NBEAL2: variants seen among roughly 807,000 people sequenced by gnomAD.
The protein encoded by NBEAL2 is neurobeachin-like protein 2.
NBEAL2 carries 160 observed loss-of-function variants against 299.8 expected under a neutral mutation model. The ratio of observed to expected loss-of-function variants is 0.53; its 90% confidence interval spans 0.47 to 0.61. The LOEUF (loss-of-function observed/expected upper bound fraction) is 0.61, where lower values mean the gene tolerates loss of function less well. NBEAL2 is among the 20% of genes least tolerant of loss of function. The pLI, the probability that NBEAL2 is intolerant of heterozygous loss-of-function variation, is 0.00. For missense variants in NBEAL2, 3,112 were observed against 3,649.0 expected (o/e 0.85, Z 3.79); for synonymous variants, 1,493 against 1,542.3 (o/e 0.97, Z 0.75).
At chr3:46,992,435 C>T (rs2036169837) in intron 9 of NBEAL2, 40 bp from the exon 10 acceptor site, 1 of 1,553,116 alleles carries the variant, frequency 6.4e-7, no homozygotes, top group Admixed American at 1.8e-5. Context: ...CTCCTCTCTT[C>T]TTTGCCTCCT....
chr3:47,004,367 A>T lies in NBEAL2; in HGVS notation c.6172A>T (p.Met2058Leu). Residue 2058 changes from methionine (M) to leucine (L), a missense_variant, in exon 37 of 54, where the codon ATG becomes TTG. By Grantham distance (15) the Met-to-Leu change is conservative. Transcript: ENST00000450053. The surrounding 1 kb of genome is among the most constrained non-coding windows in gnomAD (Gnocchi z 5.0). ...GYLSSRSPQE[M>L]LRASGLTQKW... ...CCTAAGCAGCCGCTCCCCCCAGGAG[A>T]TGCTGCGTGCCTCAGGCCTTACCCA... The T allele has an allele frequency of 1.3e-6, 2 of 1,597,946 alleles. No homozygotes were observed. The highest frequency in any genetic ancestry group is 1.1e-5 in the South Asian group (1 of 88,668).
chr3:47,005,641 TGGA>T, intron 41 of NBEAL2, 22 bp downstream of exon 41: 1 of 1,613,478 alleles, frequency 6.2e-7, no homozygotes, highest in African/African-American at 1.3e-5. Context: ...GTGCTCACAC[TGGA>T]GCGGGCAGGT....
chr3:47,009,397 A>T lies in NBEAL2; in HGVS notation c.*77A>T, dbSNP rs967344638. ...AGGCCCCGCCCAGAAGTCGGCGGGAACACCCCGGGGTGGGCAGCCCAGGGG... is the reference window on the plus strand; with the variant it reads ...AGGCCCCGCCCAGAAGTCGGCGGGATCACCCCGGGGTGGGCAGCCCAGGGG... On this transcript the variant is annotated 3_prime_UTR_variant, in exon 54 of 54. Transcript: ENST00000450053. The T allele has an allele frequency of 9.2e-6, 13 of 1,414,628 alleles. No homozygotes were observed. Among genetic ancestry groups the T allele is most frequent in the African/African-American group, 1.4e-5 (1 of 69,174 alleles). The allele number at this position is 1,414,628 out of a possible 1,614,324, so 87.6% of individuals were successfully genotyped here. A position where few individuals can be genotyped will look rare whatever the true frequency, so the allele number is the denominator to read the frequency against.
chr3:47,008,368 T>C lies in NBEAL2; in HGVS notation c.7805T>C (p.Ile2602Thr). 1 of 1,613,778 alleles carries C rather than the reference T, an allele frequency of 6.2e-7. No homozygotes were observed. Among genetic ancestry groups the C allele is most frequent in the Non-Finnish European group, 8.5e-7 (1 of 1,179,800 alleles). Residue 2602 changes from isoleucine to threonine, a missense_variant, in exon 51 of 54, where the codon ATT becomes ACT. This residue lies in a region of NBEAL2 where 348 missense variants were observed against 381.4 expected (regional missense o/e 0.91). Transcript: ENST00000450053. The stretch of plus-strand genomic sequence containing the variant: ...CTGGGTGCCACATTCCCTGGACCTA[T>C]TTTCCACCTGGCATTGGGGTCCGAA... Reference protein sequence around the residue: ...RPLGATFPGPIFHLALGSEGQ... With the variant: ...RPLGATFPGPTFHLALGSEGQ...
In NBEAL2 at chr3:47,002,401, G is replaced by C. The variant is rs1341332261; in HGVS notation, c.5182G>C (p.Asp1728His). 6.2e-7 allele frequency: 1 copy of C among 1,613,662 alleles called. No individual in the cohort carries two copies. Residue 1728 changes from aspartate (D) to histidine (H), a missense_variant, in exon 32 of 54, where the codon GAC (aspartate) becomes CAC (histidine). Physicochemically the swap from Asp to His is moderately conservative, Grantham distance 81. Transcript: ENST00000450053. ...VQPTMSQFEMDTYAKSHDLMS... is the reference protein window; with the variant it reads ...VQPTMSQFEMHTYAKSHDLMS... ...GCCAACCATGTCCCAGTTCGAAATG[G>C]ACACGTATGCTAAGAGCCACGACCT...
rs769222600 is a variant in NBEAL2 at position 46,995,398 on chromosome 3, G to T, written c.1663G>T (p.Ala555Ser). The T allele has an allele frequency of 1.9e-6, 3 of 1,612,734 alleles. No homozygotes were observed. Among genetic ancestry groups the T allele is most frequent in the Non-Finnish European group, 8.5e-7 (1 of 1,179,862 alleles). Residue 555 changes from alanine to serine, a missense_variant, in exon 13 of 54, where the codon GCC (alanine) becomes TCC (serine). Physicochemically the swap from Ala to Ser is moderately conservative, Grantham distance 99. Around this residue, in one of 3 missense-constraint regions of NBEAL2, gnomAD observed 2,243 missense variants for 2,538.1 expected, o/e 0.88. Transcript: ENST00000450053. ...SEPGGAEAGK[A>S]RHAGAVIRTL... ...ACCAGGCGGAGCTGAGGCTGGAAAG[G>T]CCCGACACGCAGGTGCTGTCATCCG...
At position 46,988,799 on chromosome 3, in the gene NBEAL2, G is replaced by A. The variant is rs764919031; in HGVS notation, c.140+42G>A. 1 of 1,605,058 alleles carries A rather than the reference G, an allele frequency of 6.2e-7. No individual in the cohort carries two copies. Among genetic ancestry groups the A allele is most frequent in the Non-Finnish European group, 8.5e-7 (1 of 1,172,652 alleles). ...ACTGAGGGCAGGGACAGAGCAGGGA[G>A]ATTGAGGGGTCCTCAGCACCCGTGT... On this transcript the variant is annotated intron_variant, in intron 2 of 53. Transcript: ENST00000450053. The surrounding 1 kb of genome is among the most constrained non-coding windows in gnomAD (Gnocchi z 4.4).
In NBEAL2 at chr3:46,987,365, C is replaced by T. The variant is rs191834326; in HGVS notation, c.52-1304C>T. Among the ~76,000 whole-genome samples, 42 of 152,346 alleles carry T rather than the reference C, an allele frequency of 2.8e-4. No homozygotes were observed. In the East Asian group the frequency reaches 7.9e-3, roughly 29 times the overall value. On this transcript the variant is annotated intron_variant, in intron 1 of 53. Coordinates refer to ENST00000450053, the MANE Select transcript of NBEAL2 (RefSeq NM_015175.3). ...CCTTTTCCACTCTAGCTCCCCCTGT[C>T]CACCTCTCTGACTCTAGGAAAGAAG...
At chr3:47,008,756 T>C (rs1168044769) in intron 52 of NBEAL2, 88 bp downstream of exon 52, 3 of 1,552,016 alleles carry the variant, frequency 1.9e-6, no homozygotes, top group Non-Finnish European at 2.6e-6. Context: ...ACACCATACA[T>C]GTTTGTGGGC....
chr3:46,987,963 C>G, intron 1 of NBEAL2: 1 of 1,269,338 alleles, frequency 7.9e-7, no homozygotes, highest in South Asian at 1.3e-5. Context: ...GCCCCAGCCC[C>G]GGGGCGGGAG....
chr3:46,995,565 T>C lies in NBEAL2; in HGVS notation c.1830T>C (p.Cys610=), dbSNP rs781201244. The change falls in exon 13 of 54, where the codon TGT becomes TGC. Residue 610 remains cysteine (C), a synonymous_variant. Coordinates refer to ENST00000450053, the MANE Select transcript of NBEAL2 (RefSeq NM_015175.3). The part of the protein sequence containing the change: ...GPGFTFHAWL[C]LHPMDTAPTP... Reference sequence around the variant, plus strand: ...GCTTCACCTTTCATGCCTGGCTCTGTCTGCACCCTATGGATACAGCACCTA... The same window carrying C: ...GCTTCACCTTTCATGCCTGGCTCTGCCTGCACCCTATGGATACAGCACCTA... 50 of 1,612,786 alleles carry C rather than the reference T, an allele frequency of 3.1e-5. 1 individual carries two copies. The South Asian group carries it at 5.4e-4, about 17-fold the overall frequency.
In NBEAL2 at chr3:46,979,776, C is replaced by T; in HGVS notation, c.-86C>T. 2.7e-6 allele frequency: 1 copy of T among 364,516 alleles called. No homozygotes were observed. The highest frequency in any genetic ancestry group is 4.1e-5 in the East Asian group (1 of 24,236). 22.6% of individuals were successfully genotyped at this position (364,516 alleles called of 1,614,324 possible). A position where few individuals can be genotyped will look rare whatever the true frequency, so the allele number is the denominator to read the frequency against. On this transcript the variant is annotated 5_prime_UTR_variant, in exon 1 of 54. Coordinates refer to ENST00000450053, the MANE Select transcript of NBEAL2 (RefSeq NM_015175.3). ...CCGCCCCGGAGTGACGCCCTCCGCC[C>T]ATGGGCCTGGCCGAGGGCAACCGGC...
rs755316923 is a variant in NBEAL2, at chr3:46,998,980, C to G, written c.3406C>G (p.Leu1136Val). Residue 1136 changes from leucine to valine, a missense_variant, in exon 24 of 54, where the codon CTG becomes GTG. Transcript: ENST00000450053. The part of the protein sequence containing the change: ...DGQAVGALDL[L>V]LALLHGSLVQ... Reference sequence around the variant, plus strand: ...CCAGGCGGTGGGTGCGCTGGACCTGCTGCTGGCCCTGCTGCACGGTTCCCT... The same window carrying G: ...CCAGGCGGTGGGTGCGCTGGACCTGGTGCTGGCCCTGCTGCACGGTTCCCT... 2.5e-6 allele frequency: 4 copies of G among 1,607,108 alleles called. No homozygotes were observed. The African/African-American group carries it at 5.3e-5, about 21-fold the overall frequency.
At position 47,005,540 on chromosome 3, in the gene NBEAL2, A is replaced by T. The variant is rs2037369115; in HGVS notation, c.6612A>T (p.Ala2204=). The change falls in exon 41 of 54, where the codon GCA becomes GCT. Residue 2204 remains alanine, a synonymous_variant. Transcript: ENST00000450053. The part of the protein sequence containing the change: ...QFHSVAAAWQ[A]RLESPADVKE... ...ACTCGGTGGCGGCAGCCTGGCAGGC[A>T]CGCCTGGAGAGCCCTGCCGATGTGA... 1 of 1,611,088 alleles carries T rather than the reference A, an allele frequency of 6.2e-7. No homozygotes were observed. The highest frequency in any genetic ancestry group is 8.5e-7 in the Non-Finnish European group (1 of 1,179,150).
intron 15 of NBEAL2, 58 bp from the exon 16 acceptor site, chr3:46,996,213 T>C (rs2036482874): frequency 1.3e-6 from 2 of 1,592,688 alleles, no homozygotes; most frequent in East Asian, 4.5e-5. Flanking sequence ...GAACTGGTTG[T>C]AGGCGGAGCC....
rs1041876553 is a variant in NBEAL2, at chr3:46,991,932, A to C, written c.1018A>C (p.Ile340Leu). 1 of 1,599,228 alleles carries C rather than the reference A, an allele frequency of 6.3e-7. No homozygotes were observed. The highest frequency in any genetic ancestry group is 8.5e-7 in the Non-Finnish European group (1 of 1,173,046). ...TTGCTTTGAACACCTCACTCGGCTC[A>C]TTCAGAACAGCAAGGTGGGTAGGGC... ...NNCFEHLTRL[I>L]QNSKLYLQSR... The change falls in exon 9 of 54, where the codon ATT (isoleucine) becomes CTT (leucine). Residue 340 changes from isoleucine (I) to leucine (L), a missense_variant. Coordinates refer to ENST00000450053, the MANE Select transcript of NBEAL2 (RefSeq NM_015175.3). The surrounding 1 kb of genome is among the most constrained non-coding windows in gnomAD (Gnocchi z 6.2).
intron 52 of NBEAL2, 120 bp downstream of exon 52, chr3:47,008,788 C>T: frequency 6.7e-7 from 1 of 1,492,756 alleles, no homozygotes; most frequent in East Asian, 2.4e-5. Context: ...GGTTTGTTAC[C>T]TGTCCCTTCA....
At position 46,993,998 on chromosome 3, in the gene NBEAL2, T is replaced by A. The variant is rs772598060; in HGVS notation, c.1175T>A (p.Met392Lys). Residue 392 changes from methionine (M) to lysine (K), a missense_variant, in exon 11 of 54, where the codon ATG becomes AAG. Physicochemically the swap from Met to Lys is moderately conservative, Grantham distance 95 (BLOSUM62 -1). Transcript: ENST00000450053. ...VHVVRVLTCI[M>K]SDSPSAKEVF... is the part of the protein sequence containing the mutation. Reference sequence around the variant, plus strand: ...GTAGTCAGAGTGCTGACCTGCATCATGAGTGACTCCCCCTCGGCCAAGGTG... The same window carrying A: ...GTAGTCAGAGTGCTGACCTGCATCAAGAGTGACTCCCCCTCGGCCAAGGTG... 6.2e-7 allele frequency: 1 copy of A among 1,611,596 alleles called. No homozygotes were observed. Among genetic ancestry groups the A allele is most frequent in the African/African-American group, 1.3e-5 (1 of 74,884 alleles).
Position 47,004,320 on chromosome 3 carries a change from T to C in NBEAL2, c.6125T>C (p.Leu2042Pro). The part of the protein sequence containing the change: ...RNQVYSWLLR[L>P]RPPSQGYLSS... ...CAGGTGTACTCGTGGCTCCTGCGCC[T>C]ACGGCCCCCCTCTCAAGGCTACCTA... The change falls in exon 37 of 54, where the codon CTA becomes CCA. Residue 2042 changes from leucine to proline, a missense_variant. Transcript: ENST00000450053. The surrounding 1 kb of genome is among the most constrained non-coding windows in gnomAD (Gnocchi z 5.0). 1 of 1,611,210 alleles carries C rather than the reference T, an allele frequency of 6.2e-7. No homozygotes were observed.
Sources: allele counts gnomAD v4.1 joint callset (sites outside exome capture counted in the v4.1 genomes callset), GRCh38; gene constraint gnomAD v4.1.1; regional missense constraint gnomAD v4.1.1; non-coding constraint Gnocchi (gnomAD v3.1); transcripts MANE v1.5; gene names NCBI Gene and HGNC (gene_info 2026-07-23, HGNC 2026-07-21).